CTNND2: variants seen among roughly 807,000 people sequenced by gnomAD.
CTNND2 encodes catenin delta-2.
A neutral mutation model predicts 144.4 loss-of-function variants in CTNND2; 22 were observed. The observed-to-expected ratio is 0.15, with a 90% CI of 0.11 to 0.22. CTNND2 has a LOEUF of 0.22. CTNND2 is among the 10% of genes least tolerant of loss of function. The pLI, the probability that CTNND2 is intolerant of heterozygous loss-of-function variation, is 1.00. For synonymous variants in CTNND2, 751 were observed against 695.6 expected, an observed-to-expected ratio of 1.08 and a Z score of -1.25; for missense variants, 1,353 against 1,618.8, an observed-to-expected ratio of 0.84 and a Z score of 2.82.
At chr5:11,763,297 T>C (rs1289233329) in intron 1 of CTNND2, among the ~76,000 whole-genome samples, 1 of 152,178 alleles carries the variant, frequency 6.6e-6, no homozygotes, top group African/African-American at 2.4e-5. Flanking sequence ...GAGAAAGAAC[T>C]AATACAGTAA....
chr5:11,330,218 T>A (rs1413688310), intron 9 of CTNND2, among the ~76,000 whole-genome samples: 1 of 150,294 alleles, frequency 6.7e-6, no homozygotes, highest in Non-Finnish European at 1.5e-5. Flanking sequence ...ACACCTGTAA[T>A]CCCAGCACTT....
chr5:11,899,453 T>C (rs1560983957), intron 1 of CTNND2, among the ~76,000 whole-genome samples: 1 of 152,332 alleles, frequency 6.6e-6, no homozygotes, highest in Admixed American at 6.5e-5. Flanking sequence ...AACTGCTATA[T>C]ACTTTAATAT....
chr5:11,026,734 A>T (rs1223323928), intron 16 of CTNND2, among the ~76,000 whole-genome samples: 1 of 152,218 alleles, frequency 6.6e-6, no homozygotes, highest in Non-Finnish European at 1.5e-5. Context: ...TTCATTTGGC[A>T]GGAAACTATA....
At chr5:11,247,481 A>G (rs1743124363) in intron 9 of CTNND2, among the ~76,000 whole-genome samples, 1 of 152,224 alleles carries the variant, frequency 6.6e-6, no homozygotes, top group Non-Finnish European at 1.5e-5. Context: ...CTTGTTTCAC[A>G]ATTAGAAGGA....
chr5:11,355,761 A>G (rs1279172359), intron 8 of CTNND2, among the ~76,000 whole-genome samples: 2 of 152,232 alleles, frequency 1.3e-5, no homozygotes, highest in African/African-American at 4.8e-5. Context: ...TGCAGATGGC[A>G]TGATCATATA....
chr5:11,662,083 A>G (rs1783241801), intron 2 of CTNND2, among the ~76,000 whole-genome samples: 1 of 149,948 alleles, frequency 6.7e-6, no homozygotes, highest in Non-Finnish European at 1.5e-5. Flanking sequence ...TACATAGTTC[A>G]TATATACATA....
At chr5:11,156,587 G>A (rs1270930381) in intron 12 of CTNND2, among the ~76,000 whole-genome samples, 1 of 152,082 alleles carries the variant, frequency 6.6e-6, no homozygotes, top group African/African-American at 2.4e-5. Context: ...TCATCTTAAA[G>A]TCATTGGCAA....
At chr5:11,258,425 C>T (rs1039192797) in intron 9 of CTNND2, among the ~76,000 whole-genome samples, 1 of 152,200 alleles carries the variant, frequency 6.6e-6, no homozygotes, top group Non-Finnish European at 1.5e-5. Context: ...TGTTCACAAG[C>T]TTATGCTCAG....
At position 11,353,624 on chromosome 5, in the gene CTNND2, G is replaced by A. The variant is rs565397314; in HGVS notation, c.1373-6997C>T. On this transcript the variant is annotated intron_variant, in intron 8 of 21. Coordinates refer to ENST00000304623, the MANE Select transcript of CTNND2 (RefSeq NM_001332.4). ...TCGAGACCAGCCTGGGCAACATGGA[G>A]AAACCCCGTCTCTACTAAAAATACA... 3.3e-5 allele frequency among the ~76,000 whole-genome samples: 5 copies of A among 152,186 alleles called. No homozygotes were observed. In the South Asian group the frequency reaches 1.0e-3, roughly 32 times the overall value.
At chr5:11,223,851 G>T (rs890897939) in intron 10 of CTNND2, among the ~76,000 whole-genome samples, 11 of 152,330 alleles carry the variant, frequency 7.2e-5, no homozygotes, top group Admixed American at 5.2e-4. Flanking sequence ...AGGAGGAAAA[G>T]GAGGAGAAAG....
chr5:11,426,283 A>C (rs545844208), intron 3 of CTNND2, among the ~76,000 whole-genome samples: 79 of 152,114 alleles, frequency 5.2e-4, no homozygotes, highest in African/African-American at 1.8e-3. Flanking sequence ...AATGTGAAGG[A>C]AGTCACATCT....
At chr5:11,605,150 G>A (rs1779983547) in intron 2 of CTNND2, among the ~76,000 whole-genome samples, 1 of 152,154 alleles carries the variant, frequency 6.6e-6, no homozygotes, top group Non-Finnish European at 1.5e-5. Flanking sequence ...TGGGGTCAAG[G>A]GCTCAGTGAG....
chr5:11,852,579 A>G (rs1208742461), intron 1 of CTNND2, among the ~76,000 whole-genome samples: 1 of 152,216 alleles, frequency 6.6e-6, no homozygotes, highest in East Asian at 1.9e-4. Flanking sequence ...AGTCAGGGTG[A>G]TCCAAACAGT....
rs531634701 is a variant in CTNND2, at chr5:11,161,465, A to G, written c.1976-1706T>C. 3.3e-5 allele frequency among the ~76,000 whole-genome samples: 5 copies of G among 152,340 alleles called. No homozygotes were observed. In the South Asian group the frequency reaches 8.3e-4, roughly 25 times the overall value. ...ACTAGGAATATTAACATATGCATCT[A>G]TCTTGTTTTAAATAAAACACAAAGC... On this transcript the variant is annotated intron_variant, in intron 11 of 21. Coordinates refer to ENST00000304623, the MANE Select transcript of CTNND2 (RefSeq NM_001332.4).
intron 12 of CTNND2, among the ~76,000 whole-genome samples, chr5:11,122,031 G>A (rs1356415628): frequency 1.3e-5 from 2 of 152,188 alleles, no homozygotes; most frequent in African/African-American, 4.8e-5. Flanking sequence ...GCATTCAGCT[G>A]AGTGTGTGAC....
At chr5:11,414,839 G>T (rs1013975570) in intron 3 of CTNND2, among the ~76,000 whole-genome samples, 4 of 152,170 alleles carry the variant, frequency 2.6e-5, no homozygotes, top group Admixed American at 2.0e-4. Context: ...TTGTAAGTGA[G>T]AACATGCAGT....
At chr5:11,509,355 T>C (rs1319794656) in intron 3 of CTNND2, among the ~76,000 whole-genome samples, 2 of 149,642 alleles carry the variant, frequency 1.3e-5, no homozygotes, top group Admixed American at 1.3e-4. Flanking sequence ...GTTGTGGAAC[T>C]ATAAAAAAAC....
chr5:11,574,980 C>A (rs1777863917), intron 2 of CTNND2, among the ~76,000 whole-genome samples: 2 of 152,180 alleles, frequency 1.3e-5, no homozygotes, highest in Non-Finnish European at 2.9e-5. Context: ...TTCCTCAAGT[C>A]TAGCAAAAAT....
At chr5:11,897,126 C>T (rs1737456493) in intron 1 of CTNND2, among the ~76,000 whole-genome samples, 1 of 152,146 alleles carries the variant, frequency 6.6e-6, no homozygotes, top group South Asian at 2.1e-4. Context: ...AACAATGCTC[C>T]ACACCAGTGA....
Sources: gnomAD v4.1 joint callset for allele counts (sites outside exome capture counted in the v4.1 genomes callset) on GRCh38, gnomAD v4.1.1 for gene constraint, MANE v1.5 for transcripts, NCBI Gene and HGNC (gene_info 2026-07-23, HGNC 2026-07-21) for gene names.